The following UNC13C variants were observed in gnomAD, a reference collection of about 807,000 sequenced individuals.
UNC13C encodes the protein unc-13 homolog C, also known as protein unc-13 homolog C.
Under a neutral mutation model 245.4 loss-of-function variants are expected in UNC13C, and 174 were observed. That is an observed-to-expected ratio of 0.71 (90% CI 0.63 to 0.80). The LOEUF (loss-of-function observed/expected upper bound fraction) is 0.80. UNC13C is among the 30% of genes least tolerant of loss of function. The probability of loss-of-function intolerance (pLI) is 0.00; values close to 1 mark genes in which losing one functional copy is unlikely to be tolerated. For missense variants in UNC13C, 2,829 were observed against 2,602.9 expected (o/e 1.09, Z -1.89); for synonymous variants, 992 against 895.1 (o/e 1.11, Z -1.93).
intron 2 of UNC13C, among the ~76,000 whole-genome samples, chr15:54,062,323 CA>C (rs539952952): frequency 0.076 from 8,731 of 114,268 alleles, 301 homozygotes; most frequent in Middle Eastern, 0.13. Flanking sequence ...AACTCAGTCT[CA>C]AAAAAAAAAA....
At chr15:54,372,783 A>G (rs1016623641) in intron 17 of UNC13C, among the ~76,000 whole-genome samples, 5 of 152,246 alleles carry the variant, frequency 3.3e-5, no homozygotes, top group African/African-American at 1.2e-4. Flanking sequence ...GCTCTAAAGC[A>G]GTGCTGGCCA....
intron 32 of UNC13C, 146 bp downstream of exon 32, chr15:54,624,100 G>A (rs1398610461): frequency 1.0e-6 from 1 of 977,954 alleles, no homozygotes; most frequent in Non-Finnish European, 1.5e-6. Context: ...TATCTGTTCA[G>A]TGCCTGCCAT....
chr15:53,925,006 GC>G, the UNC13C span, among the ~76,000 whole-genome samples: 1 of 152,162 alleles, frequency 6.6e-6, no homozygotes, highest in African/African-American at 2.4e-5. Context: ...AGAAAATTGT[GC>G]TTTCACAGCT....
At chr15:54,423,372 A>G (rs1368490197) in intron 19 of UNC13C, among the ~76,000 whole-genome samples, 1 of 151,846 alleles carries the variant, frequency 6.6e-6, no homozygotes, top group Non-Finnish European at 1.5e-5. Context: ...TACATATTTT[A>G]GATATATTCA....
chr15:54,050,388 A>T (rs1415720137), intron 2 of UNC13C: 2 of 558,532 alleles, frequency 3.6e-6, no homozygotes, highest in African/African-American at 1.9e-5. Flanking sequence ...TCTGTACTTG[A>T]TAAGTATATT....
chr15:54,164,192 T>C (rs916478677), intron 4 of UNC13C, among the ~76,000 whole-genome samples: 1 of 152,184 alleles, frequency 6.6e-6, no homozygotes, highest in African/African-American at 2.4e-5. Context: ...GGTAATTACA[T>C]GTAAATAGTT....
At chr15:54,196,989 A>G (rs889106501) in intron 4 of UNC13C, among the ~76,000 whole-genome samples, 7 of 152,122 alleles carry the variant, frequency 4.6e-5, no homozygotes, top group Non-Finnish European at 8.8e-5. Context: ...GCACACCAAC[A>G]TGGCACATGT....
chr15:54,546,164 T>C (rs1896473891), intron 26 of UNC13C, among the ~76,000 whole-genome samples: 1 of 152,180 alleles, frequency 6.6e-6, no homozygotes, highest in Non-Finnish European at 1.5e-5. Context: ...TTCATGTCCT[T>C]TGCAGGGACA....
At chr15:54,347,020 C>T (rs1055898043) in intron 17 of UNC13C, among the ~76,000 whole-genome samples, 1 of 151,960 alleles carries the variant, frequency 6.6e-6, no homozygotes, top group Admixed American at 6.6e-5. Context: ...ACCTGTAATC[C>T]GAAGGTTATT....
the UNC13C span, among the ~76,000 whole-genome samples, chr15:53,924,002 T>G: frequency 2.5e-4 from 38 of 152,112 alleles, no homozygotes; most frequent in African/African-American, 9.2e-4. Flanking sequence ...AGGTCGGGAG[T>G]TCGGGACCAG....
intron 4 of UNC13C, among the ~76,000 whole-genome samples, chr15:54,197,825 A>G (rs112992884): frequency 2.6e-5 from 4 of 152,152 alleles, no homozygotes; most frequent in Non-Finnish European, 2.9e-5. Flanking sequence ...GAGAGTTCAC[A>G]GACCCTCTGA....
At chr15:54,055,795 C>T (rs567992928) in intron 2 of UNC13C, among the ~76,000 whole-genome samples, 2 of 152,158 alleles carry the variant, frequency 1.3e-5, no homozygotes, top group African/African-American at 4.8e-5. Context: ...TAAGGTAACA[C>T]TAATAGGGAA....
chr15:54,294,519 A>T (rs1323938536), intron 11 of UNC13C, among the ~76,000 whole-genome samples: 1 of 152,152 alleles, frequency 6.6e-6, no homozygotes, highest in African/African-American at 2.4e-5. Context: ...GACAAAGTCA[A>T]GTAAACATGT....
At chr15:54,067,623 T>C (rs1463399996) in intron 2 of UNC13C, among the ~76,000 whole-genome samples, 1 of 152,222 alleles carries the variant, frequency 6.6e-6, no homozygotes, top group Non-Finnish European at 1.5e-5. Context: ...TTTCGATAGA[T>C]ATATATTTAT....
chr15:54,432,628 A>C (rs770557166), intron 19 of UNC13C, among the ~76,000 whole-genome samples: 3 of 152,044 alleles, frequency 2.0e-5, no homozygotes, highest in Non-Finnish European at 4.4e-5. Context: ...ATAGCACTAA[A>C]TGCCCACATC....
chr15:54,333,581 A>G (rs984478825), intron 15 of UNC13C, among the ~76,000 whole-genome samples, 186 bp from the exon 16 acceptor site: 5 of 152,086 alleles, frequency 3.3e-5, no homozygotes, highest in Non-Finnish European at 7.4e-5. Context: ...TAAAAATATA[A>G]TATTTCCAAA....
At chr15:54,221,477 A>G (rs2035224751) in intron 4 of UNC13C, among the ~76,000 whole-genome samples, 1 of 138,940 alleles carries the variant, frequency 7.2e-6, no homozygotes. Flanking sequence ...CAGGAAAATT[A>G]TATTATATAT....
intron 13 of UNC13C, chr15:54,321,442 CT>C (rs1313953382): frequency 2.0e-6 from 1 of 494,452 alleles, no homozygotes; most frequent in Non-Finnish European, 4.0e-6. Context: ...ACTCTTGCAT[CT>C]GCCTTTGCGG....
chr15:54,470,311 TA>T (rs1892392933), intron 19 of UNC13C, among the ~76,000 whole-genome samples: 1 of 150,966 alleles, frequency 6.6e-6, no homozygotes, highest in East Asian at 2.0e-4. Flanking sequence ...AGGGTTTGAG[TA>T]GAATATGTAT....
Sources: gnomAD v4.1 joint callset for allele counts (sites outside exome capture counted in the v4.1 genomes callset) on GRCh38, gnomAD v4.1.1 for gene constraint, MANE v1.5 for transcripts, NCBI Gene and HGNC (gene_info 2026-07-23, HGNC 2026-07-21) for gene names.